The following PRR14L variants were observed in gnomAD, a reference collection of about 807,000 sequenced individuals.
The protein encoded by PRR14L is proline rich 14 like, also known as protein PRR14L.
PRR14L carries 80 observed loss-of-function variants against 155.0 expected under a neutral mutation model. The observed-to-expected ratio is 0.52, with a 90% CI of 0.43 to 0.62. The LOEUF is 0.62. PRR14L is among the 20% of genes least tolerant of loss of function. PRR14L has a pLI of 0.00. For synonymous variants in PRR14L, 883 were observed against 916.0 expected, an observed-to-expected ratio of 0.96 and a Z score of 0.65; for missense variants, 2,469 against 2,548.0, an observed-to-expected ratio of 0.97 and a Z score of 0.67.
Position 31,712,617 on chromosome 22 carries a change from T to C in PRR14L, c.5222A>G (p.His1741Arg). ...TAAGGCAAGCCTTGCCGGAGCACAG[T>C]GCTCAGGAAAAGTCCTTGAGGACTC... is the stretch of plus-strand genomic sequence containing the variant. ...TTESSRTFPE[H>R]CAPARLALGE... is the part of the protein sequence containing the mutation. Residue 1741 changes from histidine to arginine, a missense_variant, in exon 4 of 9, where the codon CAC becomes CGC. Physicochemically the swap from His to Arg is conservative, Grantham distance 29. Around this residue, in one of 2 missense-constraint regions of PRR14L, gnomAD observed 2,363 missense variants for 2,371.6 expected, o/e 1.00. Coordinates refer to ENST00000327423, the MANE Select transcript of PRR14L (RefSeq NM_173566.3). 6.4e-7 allele frequency: 1 copy of C among 1,551,746 alleles called. No individual in the cohort carries two copies. The highest frequency in any genetic ancestry group is 2.4e-5 in the East Asian group (1 of 40,926).
Position 31,712,109 on chromosome 22 carries a change from C to A in PRR14L, c.5730G>T (p.Arg1910=). 1 of 1,612,340 alleles carries A rather than the reference C, an allele frequency of 6.2e-7. No homozygotes were observed. The highest frequency in any genetic ancestry group is 1.1e-5 in the South Asian group (1 of 90,880). Residue 1910 remains arginine, a synonymous_variant, in exon 4 of 9, where the codon CGG becomes CGT. Transcript: ENST00000327423. ...ISSLHSPHCK[R]QPSLGTTSSH... is the part of the protein sequence containing the mutation. ...TGCTTGTGGTGCCCAGACTTGGTTGCCGCTTGCAGTGAGGGGAATGAAGAG... is the reference window on the plus strand; with the variant it reads ...TGCTTGTGGTGCCCAGACTTGGTTGACGCTTGCAGTGAGGGGAATGAAGAG...
intron 4 of PRR14L, among the ~76,000 whole-genome samples, chr22:31,711,776 CAAAAAAAAAA>C (rs757790329): frequency 6.2e-5 from 3 of 48,732 alleles, no homozygotes; most frequent in South Asian, 1.0e-3. Context: ...AAGAGTTAAT[CAAAAAAAAAA>C]AAAAAAAAAA....
chr22:31,733,187 C>A (rs150782480), intron 2 of PRR14L, among the ~76,000 whole-genome samples: 45 of 151,954 alleles, frequency 3.0e-4, no homozygotes, highest in African/African-American at 9.9e-4. Flanking sequence ...GGGGGTTTCA[C>A]CAGGTTGGCC....
intron 1 of PRR14L, among the ~76,000 whole-genome samples, chr22:31,739,488 C>T (rs2074800880): frequency 6.6e-6 from 1 of 152,204 alleles, no homozygotes; most frequent in Non-Finnish European, 1.5e-5. Flanking sequence ...GCACAAGACA[C>T]TACTAAACCA....
intron 2 of PRR14L, among the ~76,000 whole-genome samples, chr22:31,729,803 GGAT>G (rs1249218166): frequency 1.3e-5 from 2 of 152,006 alleles, no homozygotes; most frequent in African/African-American, 4.8e-5. Context: ...TTTCAGTTTG[GGAT>G]GATAAGAAAA....
In PRR14L at chr22:31,716,346, G is replaced by T. The variant is rs559517126; in HGVS notation, c.1493C>A (p.Thr498Asn). Residue 498 changes from threonine (T) to asparagine (N), a missense_variant, in exon 4 of 9, where the codon ACT (threonine) becomes AAT (asparagine). Thr to Asn is a moderately conservative substitution (Grantham distance 65). Transcript: ENST00000327423. Reference protein sequence around the residue: ...TNPEDHKETFTNMSHPGGHSE... With the variant: ...TNPEDHKETFNNMSHPGGHSE... ...GTGTCCACCAGGATGGCTCATATTA[G>T]TAAAAGTTTCTTTATGGTCCTCAGG... 10 of 1,550,998 alleles carry T rather than the reference G, an allele frequency of 6.4e-6. No homozygotes were observed. Among genetic ancestry groups the T allele is most frequent in the Non-Finnish European group, 7.0e-6 (8 of 1,146,830 alleles).
In PRR14L at chr22:31,713,177, G is replaced by A. The variant is rs988329558; in HGVS notation, c.4662C>T (p.Ser1554=). The change falls in exon 4 of 9, where the codon TCC becomes TCT. Residue 1554 remains serine (S), a synonymous_variant. Transcript: ENST00000327423. ...IRSSAFLKSS[S]NPIPTKAHRL... ...TGTGCGCTTTTGTGGGGATGGGATT[G>A]GAAGAACTCTTTAAAAAGGCAGAAC... is the stretch of plus-strand genomic sequence containing the variant. The A allele has an allele frequency of 2.6e-6, 4 of 1,551,880 alleles. No homozygotes were observed. Among genetic ancestry groups the A allele is most frequent in the Non-Finnish European group, 2.6e-6 (3 of 1,147,034 alleles).
intron 3 of PRR14L, 140 bp from the exon 4 acceptor site, chr22:31,717,431 T>G: frequency 3.1e-6 from 2 of 651,780 alleles, no homozygotes; most frequent in Non-Finnish European, 5.1e-6. Flanking sequence ...TAGCATGCTA[T>G]ACCATTGATT....
chr22:31,694,776 A>G (rs574904047), intron 7 of PRR14L, among the ~76,000 whole-genome samples: 1 of 145,498 alleles, frequency 6.9e-6, no homozygotes, highest in African/African-American at 2.5e-5. Flanking sequence ...CAAAAACAGA[A>G]AAAAAAAAAG....
At chr22:31,689,389 C>A (rs770364295) in intron 7 of PRR14L, among the ~76,000 whole-genome samples, 22 of 152,284 alleles carry the variant, frequency 1.4e-4, no homozygotes, top group Admixed American at 3.9e-4. Flanking sequence ...TCTCTGAGAG[C>A]TTTGCTACCT....
Position 31,715,477 on chromosome 22 carries a change from A to C in PRR14L, c.2362T>G (p.Cys788Gly). Reference sequence around the variant, plus strand: ...GATACATTTTTTCTTACACGATGACAGCTAGAGATATCCTGAGATTGAACG... The same window carrying C: ...GATACATTTTTTCTTACACGATGACCGCTAGAGATATCCTGAGATTGAACG... ...HSVQSQDISS[C>G]HRVRKNVSQE... The change falls in exon 4 of 9, where the codon TGT becomes GGT. Residue 788 changes from cysteine to glycine, a missense_variant. Transcript: ENST00000327423. 2 of 1,552,370 alleles carry C rather than the reference A, an allele frequency of 1.3e-6. No individual in the cohort carries two copies. The highest frequency in any genetic ancestry group is 1.7e-6 in the Non-Finnish European group (2 of 1,147,128).
intron 7 of PRR14L, among the ~76,000 whole-genome samples, chr22:31,689,533 C>A (rs551111408): frequency 2.0e-5 from 3 of 152,110 alleles, no homozygotes; most frequent in Non-Finnish European, 2.9e-5. Flanking sequence ...TTAAAACATT[C>A]GCAAGGTTAT....
In PRR14L at chr22:31,714,559, TCC is replaced by T. The variant is rs1385331835; in HGVS notation, c.3278_3279del (p.Arg1093LysfsTer40). ...QEKLAFQEDS[R>X]STLSRRELDA... ...TCCAGTTCTCTCCGAGACAAGGTACTCCTGGAGTCCTCTTGAAATGCCAGTTT... is the reference window on the plus strand; with the variant it reads ...TCCAGTTCTCTCCGAGACAAGGTACTTGGAGTCCTCTTGAAATGCCAGTTT... On this transcript the variant is annotated frameshift_variant, in exon 4 of 9. Transcript: ENST00000327423. LOFTEE classifies it high-confidence loss of function. 6.4e-7 allele frequency: 1 copy of T among 1,551,880 alleles called. No homozygotes were observed. Among genetic ancestry groups the T allele is most frequent in the Non-Finnish European group, 8.7e-7 (1 of 1,147,056 alleles).
rs201978402 is a variant in PRR14L at position 31,725,518 on chromosome 22, G to T, written c.547+20C>A. ...TTTGCAGTAAGTGGATAAAGGAAGA[G>T]ATTTGAGAGAAATAAATACCTTTGC... On this transcript the variant is annotated intron_variant, in intron 3 of 8. Transcript: ENST00000327423. 54 of 1,497,234 alleles carry T rather than the reference G, an allele frequency of 3.6e-5. 1 individual carries two copies. Among genetic ancestry groups the T allele is most frequent in the African/African-American group, 5.6e-5 (4 of 71,920 alleles). 92.7% of individuals were successfully genotyped at this position (1,497,234 alleles called of 1,614,324 possible).
intron 1 of PRR14L, 65 bp downstream of exon 1, chr22:31,749,928 G>A (rs934128937): frequency 3.9e-5 from 6 of 152,646 alleles, no homozygotes; most frequent in Admixed American, 1.3e-4. Context: ...CCCGGCGGAG[G>A]GTCCCTTTAG....
rs1369735506 is a variant in PRR14L, at chr22:31,714,451, TTTTTA to T, written c.3383_3387del (p.Ile1128LysfsTer4). The T allele has an allele frequency of 1.9e-6, 3 of 1,551,680 alleles. No individual in the cohort carries two copies. The highest frequency in any genetic ancestry group is 1.4e-5 in the African/African-American group (1 of 73,032). ...CTGCATACGTTTTCTTCACATGATT[TTTTTA>T]TTTTGAGAAAGTCCACTGTAGAAGC... On this transcript the variant is annotated frameshift_variant, in exon 4 of 9. Transcript: ENST00000327423. LOFTEE classifies it high-confidence loss of function.
At chr22:31,701,828 G>C in intron 6 of PRR14L, 66 bp from the exon 7 acceptor site, 1 of 1,308,576 alleles carries the variant, frequency 7.6e-7, no homozygotes, top group South Asian at 1.3e-5. Flanking sequence ...TATTTTTTGA[G>C]ACAAGGTCTC....
chr22:31,746,795 C>CT (rs770907499), intron 1 of PRR14L, among the ~76,000 whole-genome samples: 2,117 of 131,240 alleles, frequency 0.016, 28 homozygotes, highest in East Asian at 0.03. Context: ...TCCCAGCAGT[C>CT]TTTTTTTTTT....
At chr22:31,703,873 A>G (rs1282805347) in intron 5 of PRR14L, 152 bp from the exon 6 acceptor site, 4 of 499,876 alleles carry the variant, frequency 8.0e-6, no homozygotes, top group East Asian at 3.5e-5. Context: ...TCTCGGCTCA[A>G]TGCAGCCTCT....
Sources: gnomAD v4.1 joint callset for allele counts (sites outside exome capture counted in the v4.1 genomes callset) on GRCh38, gnomAD v4.1.1 for gene constraint, gnomAD v4.1.1 regional missense constraint, MANE v1.5 for transcripts, NCBI Gene and HGNC (gene_info 2026-07-23, HGNC 2026-07-21) for gene names.